Variants in RPE observed in about 807,000 individuals in gnomAD.
The protein encoded by RPE is ribulose-phosphate 3-epimerase.
In RPE, 16 loss-of-function variants were observed where a neutral mutation model predicts 24.6. The observed-to-expected ratio is 0.65, with a 90% CI of 0.44 to 0.99. The LOEUF (loss-of-function observed/expected upper bound fraction) is 0.99. Among genes scored for constraint, RPE ranks in the 50% least tolerant of loss-of-function variants. The pLI is 0.00. For missense variants in RPE, 240 were observed against 294.5 expected (o/e 0.81, Z 1.35); for synonymous variants, 93 against 98.4 (o/e 0.94, Z 0.33).
intron 1 of RPE, 81 bp from the exon 2 acceptor site, chr2:210,009,576 A>T (rs2093674374): frequency 6.4e-7 from 1 of 1,554,920 alleles, no homozygotes; most frequent in Non-Finnish European, 8.9e-7. Flanking sequence ...AATCCCCTCA[A>T]CCTGTGTCAG....
Position 210,009,714 on chromosome 2 carries a change from G to A in RPE, c.180G>A (p.Gln60=), listed in dbSNP as rs765809260. The change falls in exon 2 of 6, where the codon CAG becomes CAA. Residue 60 remains glutamine, a synonymous_variant. Coordinates refer to ENST00000359429, the MANE Select transcript of RPE (RefSeq NM_199229.3). ...CTGTGGTAGAAAGCCTTCGAAAGCA[G>A]CTAGGCCAGGACCCTTTCTTTGGTA... ...GHPVVESLRK[Q]LGQDPFFDMH... 4 of 1,614,144 alleles carry A rather than the reference G, an allele frequency of 2.5e-6. No individual in the cohort carries two copies. Among genetic ancestry groups the A allele is most frequent in the South Asian group, 1.1e-5 (1 of 91,080 alleles).
chr2:210,017,753 TTTTC>T (rs1300775778), intron 5 of RPE, 194 bp downstream of exon 5: 1 of 627,842 alleles, frequency 1.6e-6, no homozygotes, highest in Admixed American at 2.8e-5. Flanking sequence ...TTTTTTTTTT[TTTTC>T]TTTTTCTGAG....
chr2:210,020,279 T>C lies in RPE; in HGVS notation c.*488T>C, dbSNP rs1404760259. 1 of 167,152 alleles carries C rather than the reference T, an allele frequency of 6.0e-6. No individual in the cohort carries two copies. The highest frequency in any genetic ancestry group is 2.4e-5 in the African/African-American group (1 of 41,468). 10.4% of individuals were successfully genotyped at this position (167,152 alleles called of 1,614,324 possible). A position where few individuals can be genotyped will look rare whatever the true frequency, so the allele number is the denominator to read the frequency against. Reference sequence around the variant, plus strand: ...CATACCATATTCTTGGTTCTTAAAATCTATCACTTTTCACCTTACACTTGA... The same window carrying C: ...CATACCATATTCTTGGTTCTTAAAACCTATCACTTTTCACCTTACACTTGA... On this transcript the variant is annotated 3_prime_UTR_variant, in exon 6 of 6. Transcript: ENST00000359429.
chr2:210,007,089 T>TA (rs1254465251), intron 1 of RPE, among the ~76,000 whole-genome samples: 5 of 152,360 alleles, frequency 3.3e-5, no homozygotes, highest in Non-Finnish European at 7.3e-5. Context: ...CTCCAGCACT[T>TA]ACTGGTTGTG....
At position 210,003,477 on chromosome 2, in the gene RPE, T is replaced by G. The variant is rs2093590542; in HGVS notation, c.122+694T>G. 2.3e-6 allele frequency: 3 copies of G among 1,284,818 alleles called. No homozygotes were observed. In the South Asian group the frequency reaches 3.7e-5, roughly 16 times the overall value. The allele number at this position is 1,284,818 out of a possible 1,614,324, so 79.6% of individuals were successfully genotyped here. ...AGGGAGGTCAGTTTTTTGTAAGTAA[T>G]TTTTAAGCACCGTAGTTACAGCACA... On this transcript the variant is annotated intron_variant, in intron 1 of 5. Coordinates refer to ENST00000359429, the MANE Select transcript of RPE (RefSeq NM_199229.3).
intron 1 of RPE, among the ~76,000 whole-genome samples, chr2:210,005,385 G>A (rs956401063): frequency 4.6e-5 from 7 of 152,098 alleles, no homozygotes; most frequent in Non-Finnish European, 8.8e-5. Flanking sequence ...TAGAAAGTCA[G>A]AAACCAGTCT....
At chr2:210,003,651 T>C (rs1427808377) in intron 1 of RPE, among the ~76,000 whole-genome samples, 1 of 152,216 alleles carries the variant, frequency 6.6e-6, no homozygotes, top group Non-Finnish European at 1.5e-5. Context: ...CAAGTAGTTC[T>C]CTGAGCCCCA....
chr2:210,016,696 A>G, intron 4 of RPE, 55 bp downstream of exon 4: 1 of 1,610,736 alleles, frequency 6.2e-7, no homozygotes, highest in Non-Finnish European at 8.5e-7. Context: ...TCATTCAGTA[A>G]GCATTTATTG....
intron 5 of RPE, 161 bp downstream of exon 5, chr2:210,017,720 A>C: frequency 1.6e-6 from 1 of 632,260 alleles, no homozygotes; most frequent in East Asian, 2.9e-5. Flanking sequence ...ATAAACAGCC[A>C]TAAGTGGATA....
intron 2 of RPE, among the ~76,000 whole-genome samples, chr2:210,011,102 T>C (rs532162156): frequency 2.6e-5 from 4 of 152,308 alleles, no homozygotes; most frequent in African/African-American, 9.6e-5. Flanking sequence ...CTATCTACTT[T>C]GAGTTCACCA....
intron 5 of RPE, chr2:210,018,821 A>T (rs2093815529): frequency 2.7e-6 from 1 of 366,270 alleles, no homozygotes; most frequent in Non-Finnish European, 3.8e-6. Context: ...ACTAGGCATA[A>T]ATGGGTTAAC....
rs553479918 is a variant in RPE, at chr2:210,022,003, C to CTTTTTTT, written c.*2220_*2226dup. On this transcript the variant is annotated 3_prime_UTR_variant, in exon 6 of 6. Coordinates refer to ENST00000359429, the MANE Select transcript of RPE (RefSeq NM_199229.3). ...CTTGCTAATCTAGAAATACAATCAT[C>CTTTTTTT]TTTTTTTTTTTTTTCAAATTTTATA... The CTTTTTTT allele has an allele frequency of 2.5e-4, 34 of 134,690 alleles. 2 individuals are homozygous for CTTTTTTT. Among genetic ancestry groups the CTTTTTTT allele is most frequent in the African/African-American group, 9.3e-4 (34 of 36,692 alleles). The allele number at this position is 134,690 out of a possible 1,614,324, so 8.3% of individuals were successfully genotyped here.
intron 4 of RPE, among the ~76,000 whole-genome samples, chr2:210,017,074 G>T (rs2093782676): frequency 6.6e-6 from 1 of 152,122 alleles, no homozygotes; most frequent in African/African-American, 2.4e-5. Flanking sequence ...GAACTCCTGG[G>T]CTTAAGCTGT....
chr2:210,018,608 G>GT (rs2125091539), intron 5 of RPE: 1 of 985,172 alleles, frequency 1.0e-6, no homozygotes, highest in South Asian at 4.7e-5. Flanking sequence ...TATGCAGGAG[G>GT]GGCTGGCCAG....
At chr2:210,004,056 A>T (rs765270336) in intron 1 of RPE, among the ~76,000 whole-genome samples, 1 of 152,194 alleles carries the variant, frequency 6.6e-6, no homozygotes, top group Non-Finnish European at 1.5e-5. Context: ...TTTATTTTTG[A>T]CATCTTTGCT....
rs139579398 is a variant in RPE at position 210,010,706 on chromosome 2, A to T, written c.202+970A>T. Among the ~76,000 whole-genome samples, 26 of 152,254 alleles carry T rather than the reference A, an allele frequency of 1.7e-4. No homozygotes were observed. In the East Asian group the frequency reaches 4.8e-3, roughly 28 times the overall value. ...ACATGTAGCTATTAAAATTAAATAA[A>T]CTTAAGTTCATGACCAGAATGGCCA... On this transcript the variant is annotated intron_variant, in intron 2 of 5. Coordinates refer to ENST00000359429, the MANE Select transcript of RPE (RefSeq NM_199229.3).
chr2:210,013,392 C>G (rs972069223), intron 2 of RPE, among the ~76,000 whole-genome samples: 3 of 150,646 alleles, frequency 2.0e-5, no homozygotes, highest in African/African-American at 7.3e-5. Context: ...CTCACTGAAG[C>G]CTCAGTCTTG....
At chr2:210,007,113 CTG>C (rs2093641374) in intron 1 of RPE, among the ~76,000 whole-genome samples, 1 of 152,234 alleles carries the variant, frequency 6.6e-6, no homozygotes, top group African/African-American at 2.4e-5. Context: ...CCTTGGGCCT[CTG>C]TTCCTCATCT....
intron 5 of RPE, chr2:210,018,243 A>G (rs1019939954): frequency 1.2e-5 from 19 of 1,522,398 alleles, no homozygotes; most frequent in African/African-American, 2.8e-5. Flanking sequence ...GGGGGAAAAT[A>G]GATAAATCTA....
Sources: gnomAD v4.1 joint callset for allele counts (sites outside exome capture counted in the v4.1 genomes callset) on GRCh38, gnomAD v4.1.1 for gene constraint, MANE v1.5 for transcripts, NCBI Gene and HGNC (gene_info 2026-07-23, HGNC 2026-07-21) for gene names.